Variants in ZNF708 observed in about 807,000 individuals in gnomAD.
ZNF708 encodes ZNF15, ZNF15L1.
ZNF708 carries 44 observed loss-of-function variants against 47.0 expected under a neutral mutation model. The ratio of observed to expected loss-of-function variants is 0.94; its 90% CI spans 0.74 to 1.20. The LOEUF (loss-of-function observed/expected upper bound fraction) is 1.20, where lower values mean the gene tolerates loss of function less well. Ranked by LOEUF, ZNF708 falls within the 50% of genes most tolerant of loss-of-function variation. The pLI, the probability that ZNF708 is intolerant of heterozygous loss-of-function variation, is 0.00. For synonymous variants in ZNF708, 184 were observed against 218.5 expected (o/e 0.84, Z 1.39); for missense variants, 557 against 656.0 (o/e 0.85, Z 1.65).
At chr19:21,309,364 C>A (rs755056261) in intron 2 of ZNF708, 23 bp from the exon 3 acceptor site, 1 of 1,545,716 alleles carries the variant, frequency 6.5e-7, no homozygotes, top group Non-Finnish European at 8.7e-7. Flanking sequence ...AAATAAATAA[C>A]GTGAATCTTG....
In ZNF708 at chr19:21,309,490, C is replaced by T. The variant is rs533645265; in HGVS notation, c.131-149G>A. On this transcript the variant is annotated intron_variant, in intron 2 of 3. Transcript: ENST00000356929. ...TGAGAGGCCGAGGTGGGTAGATCAC[C>T]TGAGGTCAGGAGTTCAAGACCAGAT... 8 of 646,720 alleles carry T rather than the reference C, an allele frequency of 1.2e-5. No individual in the cohort carries two copies. In the East Asian group the frequency reaches 4.1e-4, roughly 33 times the overall value. 40.1% of individuals were successfully genotyped at this position (646,720 alleles called of 1,614,324 possible).
Position 21,303,152 on chromosome 19 carries a change from C to T in ZNF708, c.226+6094G>A, listed in dbSNP as rs571821887. Among the ~76,000 whole-genome samples the T allele has an allele frequency of 4.0e-5, 6 of 151,894 alleles. No homozygotes were observed. In the East Asian group the frequency reaches 5.8e-4, roughly 15 times the overall value. On this transcript the variant is annotated intron_variant, in intron 3 of 3. Coordinates refer to ENST00000356929, the MANE Select transcript of ZNF708 (RefSeq NM_021269.3). ...TTTGTAACACAGCTATTTGAGAGGC[C>T]GAAATGAGAGGATCATCAGAGTTTG... is the stretch of plus-strand genomic sequence containing the variant.
At position 21,321,872 on chromosome 19, in the gene ZNF708, A is replaced by G. The variant is rs571105815; in HGVS notation, c.3+7338T>C. 5.3e-5 allele frequency among the ~76,000 whole-genome samples: 8 copies of G among 152,188 alleles called. No homozygotes were observed. The East Asian group carries it at 1.6e-3, about 30-fold the overall frequency. On this transcript the variant is annotated intron_variant, in intron 1 of 3. Coordinates refer to ENST00000356929, the MANE Select transcript of ZNF708 (RefSeq NM_021269.3). ...TACAAACCTGCACATGTACCAATGA[A>G]TCAAAAATAGAAGTTAAAAGGAAAA...
intron 3 of ZNF708, among the ~76,000 whole-genome samples, chr19:21,295,645 T>G (rs1972513438): frequency 6.6e-6 from 1 of 152,032 alleles, no homozygotes; most frequent in South Asian, 2.1e-4. Context: ...CTCGGGAGGC[T>G]GAGGCAGGAG....
chr19:21,325,816 G>A (rs574032), intron 1 of ZNF708, among the ~76,000 whole-genome samples: 145,046 of 152,286 alleles, frequency 0.95, 69,339 homozygotes, highest in Middle Eastern at 1. Flanking sequence ...CAATCTATAC[G>A]TCTGACAAAG....
intron 3 of ZNF708, 125 bp downstream of exon 3, chr19:21,309,119 TAA>T: frequency 1.0e-6 from 1 of 957,192 alleles, no homozygotes; most frequent in Non-Finnish European, 1.5e-6. Flanking sequence ...ATATTAAAGT[TAA>T]AAAAACAAAA....
At chr19:21,310,218 G>A (rs966740455) in intron 2 of ZNF708, among the ~76,000 whole-genome samples, 8 of 151,806 alleles carry the variant, frequency 5.3e-5, no homozygotes, top group African/African-American at 9.7e-5. Context: ...AGGCTGAGGC[G>A]GGCAGACCCT....
chr19:21,311,128 T>C (rs1013209229), intron 1 of ZNF708, among the ~76,000 whole-genome samples: 6 of 152,192 alleles, frequency 3.9e-5, no homozygotes, highest in African/African-American at 7.2e-5. Flanking sequence ...AAAAAGAATA[T>C]TTTGTCAAAC....
At chr19:21,316,082 C>T (rs1267378435) in intron 1 of ZNF708, among the ~76,000 whole-genome samples, 1 of 124,270 alleles carries the variant, frequency 8.0e-6, no homozygotes, top group Non-Finnish European at 1.8e-5. Flanking sequence ...AAAAAAAAAA[C>T]CTTTTATATA....
chr19:21,322,532 A>G (rs1300720384), intron 1 of ZNF708, among the ~76,000 whole-genome samples: 1 of 151,990 alleles, frequency 6.6e-6, no homozygotes, highest in Non-Finnish European at 1.5e-5. Flanking sequence ...TGAACTCCTG[A>G]GCTCAGGCAA....
intron 1 of ZNF708, among the ~76,000 whole-genome samples, chr19:21,321,329 C>T (rs1973131555): frequency 6.6e-6 from 1 of 152,058 alleles, no homozygotes; most frequent in African/African-American, 2.4e-5. Context: ...TGGCTCACGC[C>T]TGTATGCCAC....
intron 3 of ZNF708, among the ~76,000 whole-genome samples, chr19:21,303,381 C>A (rs1056560563): frequency 2.6e-5 from 4 of 152,050 alleles, no homozygotes; most frequent in African/African-American, 4.8e-5. Flanking sequence ...AGTGAAACCC[C>A]AATTCTACTG....
At chr19:21,299,122 G>A (rs1364054154) in intron 3 of ZNF708, among the ~76,000 whole-genome samples, 6 of 152,168 alleles carry the variant, frequency 3.9e-5, no homozygotes, top group South Asian at 2.1e-4. Context: ...TTAGGGGGCC[G>A]AGGCGGGTGG....
chr19:21,314,447 T>A (rs542312829), intron 1 of ZNF708, among the ~76,000 whole-genome samples: 1 of 152,276 alleles, frequency 6.6e-6, no homozygotes, highest in African/African-American at 2.4e-5. Context: ...TCCATAAATA[T>A]CCCTTCAAGT....
rs1341372397 is a variant in ZNF708, at chr19:21,291,544, A to T, written c.*1730T>A. 6.6e-6 allele frequency: 1 copy of T among 152,130 alleles called. No homozygotes were observed. Among genetic ancestry groups the T allele is most frequent in the Non-Finnish European group, 1.5e-5 (1 of 68,020 alleles). 9.4% of individuals were successfully genotyped at this position (152,130 alleles called of 1,614,324 possible). ...TGAATCACAGCAATATTAGCTTTTTAAAAAATCTGTACTTCTTTTCAAGGA... is the reference window on the plus strand; with the variant it reads ...TGAATCACAGCAATATTAGCTTTTTTAAAAATCTGTACTTCTTTTCAAGGA... On this transcript the variant is annotated 3_prime_UTR_variant, in exon 4 of 4. Coordinates refer to ENST00000356929, the MANE Select transcript of ZNF708 (RefSeq NM_021269.3).
intron 2 of ZNF708, 63 bp from the exon 3 acceptor site, chr19:21,309,404 T>A: frequency 7.0e-7 from 1 of 1,430,616 alleles, no homozygotes; most frequent in South Asian, 1.3e-5. Flanking sequence ...AACCTAGTAA[T>A]TTTCTCAGTA....
chr19:21,296,433 C>T (rs1440152103), intron 3 of ZNF708, among the ~76,000 whole-genome samples: 2 of 151,850 alleles, frequency 1.3e-5, no homozygotes, highest in Non-Finnish European at 1.5e-5. Context: ...ACCTGAGAGG[C>T]GGAGATTGCA....
intron 3 of ZNF708, 138 bp from the exon 4 acceptor site, chr19:21,294,877 T>G: frequency 3.4e-6 from 3 of 875,142 alleles, no homozygotes; most frequent in Non-Finnish European, 4.9e-6. Flanking sequence ...GACATATAAA[T>G]GTAACAAAAG....
chr19:21,315,572 T>C (rs1488160913), intron 1 of ZNF708, among the ~76,000 whole-genome samples: 2 of 152,146 alleles, frequency 1.3e-5, no homozygotes, highest in Admixed American at 6.5e-5. Flanking sequence ...AACTTGAGGA[T>C]TGTAACCTGG....
Sources: gnomAD v4.1 joint callset for allele counts (sites outside exome capture counted in the v4.1 genomes callset) on GRCh38, gnomAD v4.1.1 for gene constraint, MANE v1.5 for transcripts, NCBI Gene and HGNC (gene_info 2026-07-23, HGNC 2026-07-21) for gene names.